SATB2: variants seen among roughly 807,000 people sequenced by gnomAD.
The protein encoded by SATB2 is SATB homeobox 2, also known as DNA-binding protein SATB2.
A neutral mutation model predicts 73.4 loss-of-function variants in SATB2; 1 was observed. The ratio of observed to expected loss-of-function variants is 0.01; its 90% CI spans 0.00 to 0.06. The LOEUF (loss-of-function observed/expected upper bound fraction) is 0.06, where lower values mean the gene tolerates loss of function less well. SATB2 is among the 10% of genes least tolerant of loss of function. The pLI is 1.00. For missense variants in SATB2, 459 were observed against 945.8 expected (o/e 0.49, Z 6.75); for synonymous variants, 397 against 367.0 (o/e 1.08, Z -0.93).
intron 10 of SATB2, among the ~76,000 whole-genome samples, chr2:199,294,161 G>A (rs543956076): frequency 3.3e-4 from 50 of 152,150 alleles, no homozygotes; most frequent in South Asian, 8.3e-4. Flanking sequence ...TTACATACAC[G>A]TTCTATATGT....
At chr2:199,448,568 CCT>C (rs1692030919) in intron 2 of SATB2, among the ~76,000 whole-genome samples, 1 of 152,140 alleles carries the variant, frequency 6.6e-6, no homozygotes, top group Non-Finnish European at 1.5e-5. Flanking sequence ...CTGCAAATCA[CCT>C]CTGTCAGATC....
At chr2:199,404,507 CA>C (rs1420381349) in intron 3 of SATB2, among the ~76,000 whole-genome samples, 2 of 151,232 alleles carry the variant, frequency 1.3e-5, no homozygotes, top group East Asian at 3.9e-4. Flanking sequence ...TGCAACCATG[CA>C]AAAAAAAGCA....
At chr2:199,292,346 A>C (rs1052157989) in intron 10 of SATB2, among the ~76,000 whole-genome samples, 2 of 152,228 alleles carry the variant, frequency 1.3e-5, no homozygotes, top group Non-Finnish European at 2.9e-5. Flanking sequence ...CCAAGACATT[A>C]AACTGTCAAT....
At chr2:199,406,529 C>T (rs1416086255) in intron 3 of SATB2, among the ~76,000 whole-genome samples, 5 of 152,280 alleles carry the variant, frequency 3.3e-5, no homozygotes, top group Admixed American at 2.0e-4. Context: ...ACAGAGCCTT[C>T]TAAGAGCTGC....
rs191133909 is a variant in SATB2 at position 199,369,905 on chromosome 2, C to T, written c.598-1198G>A. ...TAATTCAATTCACAGAAACCTCTTT[C>T]GCAGATGGTTAGCCCTCCCCAGTTG... On this transcript the variant is annotated intron_variant, in intron 5 of 10. Transcript: ENST00000417098. 3.9e-3 allele frequency among the ~76,000 whole-genome samples: 599 copies of T among 152,244 alleles called. 1 individual carries two copies. Among genetic ancestry groups the T allele is most frequent in the Admixed American group, 5.4e-3 (82 of 15,278 alleles).
chr2:199,348,182 A>G (rs1433530409), intron 7 of SATB2: 1 of 152,480 alleles, frequency 6.6e-6, no homozygotes, highest in Non-Finnish European at 1.5e-5. Context: ...TTATCATTTT[A>G]TCAATATCTT....
chr2:199,353,049 G>A (rs1419369788), intron 6 of SATB2, among the ~76,000 whole-genome samples: 1 of 149,748 alleles, frequency 6.7e-6, no homozygotes, highest in South Asian at 2.1e-4. Flanking sequence ...TTATCATCCC[G>A]ACTTTAAGAA....
At chr2:199,276,477 C>T (rs1479283238) in intron 10 of SATB2, among the ~76,000 whole-genome samples, 1 of 152,134 alleles carries the variant, frequency 6.6e-6, no homozygotes, top group Non-Finnish European at 1.5e-5. Flanking sequence ...AGAGTCATGC[C>T]ATTGATTGCT....
chr2:199,336,878 A>G (rs1247810175), intron 7 of SATB2, among the ~76,000 whole-genome samples: 17 of 152,162 alleles, frequency 1.1e-4, no homozygotes, highest in Non-Finnish European at 1.8e-4. Context: ...ACAAGTATCA[A>G]TTAATCTCCC....
chr2:199,355,355 TATA>T lies in SATB2; in HGVS notation c.701-6185_701-6183del. 1.6e-4 allele frequency among the ~76,000 whole-genome samples: 4 copies of T among 25,090 alleles called. No individual in the cohort carries two copies. The East Asian group carries it at 2.0e-3, about 13-fold the overall frequency. The allele number at this position is 25,090 out of a possible 152,430, so 16.5% of individuals were successfully genotyped here. A position where few individuals can be genotyped will look rare whatever the true frequency, so the allele number is the denominator to read the frequency against. On this transcript the variant is annotated intron_variant, in intron 6 of 10. Coordinates refer to ENST00000417098, the MANE Select transcript of SATB2 (RefSeq NM_001172509.2). Reference sequence around the variant, plus strand: ...GTGTGTGTGTGTGTGTATCTATATATATATATATATATATATATATAGTCTTTC... The same window carrying T: ...GTGTGTGTGTGTGTGTATCTATATATTATATATATATATATATAGTCTTTC...
At chr2:199,450,199 A>G (rs1164938550) in intron 2 of SATB2, among the ~76,000 whole-genome samples, 1 of 152,140 alleles carries the variant, frequency 6.6e-6, no homozygotes, top group African/African-American at 2.4e-5. Context: ...TCATGAAATA[A>G]TATGAAACAG....
At chr2:199,317,079 G>C (rs909675127) in intron 9 of SATB2, among the ~76,000 whole-genome samples, 2 of 152,000 alleles carry the variant, frequency 1.3e-5, no homozygotes, top group Non-Finnish European at 2.9e-5. Flanking sequence ...GCAGGGTAGT[G>C]GTTGGGGAAA....
chr2:199,457,782 G>T lies in SATB2; in HGVS notation c.-503C>A. On this transcript the variant is annotated 5_prime_UTR_variant, in exon 1 of 11. Coordinates refer to ENST00000417098, the MANE Select transcript of SATB2 (RefSeq NM_001172509.2). This position sits in a 1 kb window ranked among gnomAD's most constrained non-coding sequence, Gnocchi z 4.8. ...CTGGTTCGCAGGGCGGCTAGCTCGC[G>T]AGGAGGCGCGGCCAGAGCGGTGGGA... is the stretch of plus-strand genomic sequence containing the variant. 6.3e-6 allele frequency: 1 copy of T among 158,012 alleles called. No individual in the cohort carries two copies. The highest frequency in any genetic ancestry group is 1.4e-5 in the Non-Finnish European group (1 of 72,104). The allele number at this position is 158,012 out of a possible 1,614,324, so 9.8% of individuals were successfully genotyped here. A position where few individuals can be genotyped will look rare whatever the true frequency, so the allele number is the denominator to read the frequency against.
At chr2:199,333,584 G>C (rs922970988) in intron 7 of SATB2, among the ~76,000 whole-genome samples, 1 of 152,060 alleles carries the variant, frequency 6.6e-6, no homozygotes, top group African/African-American at 2.4e-5. Context: ...CTTACAAGCT[G>C]TAAAATAAAG....
At chr2:199,303,297 CAT>C (rs1002486332) in intron 10 of SATB2, among the ~76,000 whole-genome samples, 7 of 152,106 alleles carry the variant, frequency 4.6e-5, no homozygotes, top group African/African-American at 1.4e-4. Flanking sequence ...GAAGATAAGA[CAT>C]GTGAAAATCT....
intron 6 of SATB2, among the ~76,000 whole-genome samples, chr2:199,362,446 T>G (rs1476617138): frequency 1.4e-5 from 2 of 146,502 alleles, no homozygotes; most frequent in Non-Finnish European, 3.0e-5. Context: ...CACTACTATA[T>G]ATTTACCAGA....
chr2:199,274,348 G>A (rs1692248214), intron 10 of SATB2, among the ~76,000 whole-genome samples: 1 of 150,962 alleles, frequency 6.6e-6, no homozygotes, highest in South Asian at 2.1e-4. Context: ...CAGCATCAAA[G>A]CAAGCATTTA....
At chr2:199,342,741 C>A (rs1688542833) in intron 7 of SATB2, among the ~76,000 whole-genome samples, 1 of 151,786 alleles carries the variant, frequency 6.6e-6, no homozygotes, top group South Asian at 2.1e-4. Context: ...AAAAGGCTGT[C>A]TATCTCTGAC....
At chr2:199,287,350 A>G (rs1692719607) in intron 10 of SATB2, among the ~76,000 whole-genome samples, 1 of 152,178 alleles carries the variant, frequency 6.6e-6, no homozygotes, top group Non-Finnish European at 1.5e-5. Context: ...ATGTTTTAAG[A>G]TATATGAAGG....
Sources: allele counts gnomAD v4.1 joint callset (sites outside exome capture counted in the v4.1 genomes callset), GRCh38; gene constraint gnomAD v4.1.1; non-coding constraint Gnocchi (gnomAD v3.1); transcripts MANE v1.5; gene names NCBI Gene and HGNC (gene_info 2026-07-23, HGNC 2026-07-21).